The following KMO variants were observed in gnomAD, a reference collection of about 807,000 sequenced individuals.
The protein encoded by KMO is kynurenine 3-hydroxylase.
A neutral mutation model predicts 57.8 loss-of-function variants in KMO; 24 were observed. That is an observed-to-expected ratio of 0.42 (90% confidence interval 0.30 to 0.58). The LOEUF (loss-of-function observed/expected upper bound fraction) is 0.58, where lower values mean the gene tolerates loss of function less well. Ranked by LOEUF, KMO falls within the 20% of genes least tolerant of loss-of-function variation. The probability of loss-of-function intolerance (pLI) is 0.22; values close to 1 mark genes in which losing one functional copy is unlikely to be tolerated. For missense variants in KMO, 483 were observed against 588.2 expected (o/e 0.82, Z 1.85); for synonymous variants, 210 against 193.6 (o/e 1.08, Z -0.70).
chr1:241,566,411 T>G, intron 8 of KMO, 80 bp from the exon 9 acceptor site: 1 of 1,452,254 alleles, frequency 6.9e-7, no homozygotes, highest in Non-Finnish European at 9.4e-7. Flanking sequence ...CAGCAAGAAG[T>G]CTTGTGATTT....
chr1:241,565,627 G>A (rs906023868), intron 8 of KMO, among the ~76,000 whole-genome samples: 17 of 151,864 alleles, frequency 1.1e-4, no homozygotes, highest in African/African-American at 4.1e-4. Context: ...AGGAGGCTGA[G>A]GTGGGAGGAT....
intron 10 of KMO, among the ~76,000 whole-genome samples, chr1:241,579,229 G>C (rs1662660025): frequency 6.6e-6 from 1 of 152,140 alleles, no homozygotes. Context: ...ACTTGCAAAA[G>C]AGCACCAGGT....
At chr1:241,550,072 C>T (rs1661340881) in intron 3 of KMO, 1 of 252,884 alleles carries the variant, frequency 4.0e-6, no homozygotes, top group South Asian at 1.2e-4. Context: ...TAAAAGGAGC[C>T]AGATTCCTTT....
intron 10 of KMO, 79 bp downstream of exon 10, chr1:241,568,726 G>A: frequency 7.5e-7 from 1 of 1,325,110 alleles, no homozygotes; most frequent in Non-Finnish European, 1.0e-6. Flanking sequence ...TAAAAAATAT[G>A]TCTAAGACTA....
At chr1:241,559,762 A>C (rs1369516339) in intron 5 of KMO, among the ~76,000 whole-genome samples, 1 of 152,222 alleles carries the variant, frequency 6.6e-6, no homozygotes, top group Non-Finnish European at 1.5e-5. Context: ...CGTTTTTGAC[A>C]TATAAAAACT....
Position 241,568,546 on chromosome 1 carries a change from A to G in KMO, c.856A>G (p.Ile286Val), listed in dbSNP as rs376604847. 1.2e-6 allele frequency: 2 copies of G among 1,613,952 alleles called. No individual in the cohort carries two copies. The highest frequency in any genetic ancestry group is 1.7e-6 in the Non-Finnish European group (2 of 1,179,844). Residue 286 changes from isoleucine to valine, a missense_variant, in exon 10 of 15, where the codon ATA (isoleucine) becomes GTA (valine). Transcript: ENST00000366559. ...DFFLLPAQPM[I>V]SVKCSSFHFK... ...CTTCCTGTTGCCTGCCCAGCCCATGATATCTGTAAAGTGCTCTTCATTTCA... is the reference window on the plus strand; with the variant it reads ...CTTCCTGTTGCCTGCCCAGCCCATGGTATCTGTAAAGTGCTCTTCATTTCA...
At chr1:241,576,279 T>C (rs1662516426) in intron 10 of KMO, among the ~76,000 whole-genome samples, 1 of 152,082 alleles carries the variant, frequency 6.6e-6, no homozygotes, top group Admixed American at 6.5e-5. Context: ...TATTGAGATG[T>C]GAGGTGCTGT....
chr1:241,590,219 A>G lies in KMO; in HGVS notation c.1216A>G (p.Ile406Val). 1 of 1,613,392 alleles carries G rather than the reference A, an allele frequency of 6.2e-7. No individual in the cohort carries two copies. ...TTCCCTGCAGGTCACTTTTTCCAGA[A>G]TAAGATACCATGAGGCTGTGCAGCG... is the stretch of plus-strand genomic sequence containing the variant. ...PLYTMVTFSR[I>V]RYHEAVQRWH... The change falls in exon 14 of 15, where the codon ATA (isoleucine) becomes GTA (valine). Residue 406 changes from isoleucine (I) to valine (V), a missense_variant. This residue lies in a region of KMO where 410 missense variants were observed against 492.3 expected (regional missense o/e 0.83). Coordinates refer to ENST00000366559, the MANE Select transcript of KMO (RefSeq NM_003679.5).
chr1:241,548,779 C>G, intron 1 of KMO, 50 bp from the exon 2 acceptor site: 1 of 1,152,452 alleles, frequency 8.7e-7, no homozygotes. Context: ...GCTAAAAATT[C>G]CCTATATTTG....
In KMO at chr1:241,586,725, G is replaced by A; in HGVS notation, c.1004G>A (p.Ser335Asn). 2 of 1,603,942 alleles carry A rather than the reference G, an allele frequency of 1.2e-6. No homozygotes were observed. The highest frequency in any genetic ancestry group is 1.7e-6 in the Non-Finnish European group (2 of 1,175,964). The change falls in exon 11 of 15, where the codon AGT becomes AAT. Residue 335 changes from serine (S) to asparagine (N), a missense_variant. Coordinates refer to ENST00000366559, the MANE Select transcript of KMO (RefSeq NM_003679.5). Reference protein sequence around the residue: ...LVFDELMDKFSNDLSLCLPVF... With the variant: ...LVFDELMDKFNNDLSLCLPVF... The stretch of plus-strand genomic sequence containing the variant: ...TTTGATGAGTTAATGGATAAATTCA[G>A]TAACGACCTTAGTAAGTAAGGTCAA...
Position 241,538,000 on chromosome 1 carries a change from C to A in KMO, c.54+5502C>A, listed in dbSNP as rs116552366. Among the ~76,000 whole-genome samples, 1,217 of 152,208 alleles carry A rather than the reference C, an allele frequency of 8.0e-3. 16 individuals carry two copies. Among genetic ancestry groups the A allele is most frequent in the African/African-American group, 0.027 (1,131 of 41,528 alleles). On this transcript the variant is annotated intron_variant, in intron 1 of 14. Coordinates refer to ENST00000366559, the MANE Select transcript of KMO (RefSeq NM_003679.5). ...GCCCAGCAAGGAGATGGAAGAACAG[C>A]TTTCAAATCCACCTCTCCAAAGATA...
In KMO at chr1:241,551,007, G is replaced by GA; in HGVS notation, c.281dup (p.Ser95ValfsTer29). 1.9e-6 allele frequency: 3 copies of GA among 1,564,434 alleles called. No individual in the cohort carries two copies. Among genetic ancestry groups the GA allele is most frequent in the Admixed American group, 2.0e-5 (1 of 49,342 alleles). On this transcript the variant is annotated frameshift_variant, in exon 4 of 15. Coordinates refer to ENST00000366559, the MANE Select transcript of KMO (RefSeq NM_003679.5). LOFTEE classifies it high-confidence loss of function. ...GCAAGAATGATCCACTCTCTTTCAGGAAAAAAGTCTGCAATTCCCTATGGG... is the reference window on the plus strand; with the variant it reads ...GCAAGAATGATCCACTCTCTTTCAGGAAAAAAAGTCTGCAATTCCCTATGGG...
rs769726742 is a variant in KMO at position 241,564,996 on chromosome 1, G to A, written c.625G>A (p.Glu209Lys). The A allele has an allele frequency of 6.2e-7, 1 of 1,602,022 alleles. No homozygotes were observed. Among genetic ancestry groups the A allele is most frequent in the East Asian group, 2.2e-5 (1 of 44,682 alleles). ...IPPKNGDYAM[E>K]PNYLHIWPRN... ...ATTCTTTTTTCTGCAGTATGCCATG[G>A]AACCTAATTATCTGCATATTTGGCC... Residue 209 changes from glutamate (E) to lysine (K), a missense_variant, in exon 8 of 15, where the codon GAA becomes AAA. Coordinates refer to ENST00000366559, the MANE Select transcript of KMO (RefSeq NM_003679.5).
At chr1:241,542,899 G>A (rs1008928542) in intron 1 of KMO, among the ~76,000 whole-genome samples, 1 of 152,150 alleles carries the variant, frequency 6.6e-6, no homozygotes, top group Non-Finnish European at 1.5e-5. Flanking sequence ...GAAAGTGAGA[G>A]GGGAAAGAAA....
At chr1:241,535,698 T>C (rs1354426035) in intron 1 of KMO, among the ~76,000 whole-genome samples, 2 of 152,188 alleles carry the variant, frequency 1.3e-5, no homozygotes, top group Non-Finnish European at 2.9e-5. Flanking sequence ...TTCAAGAACA[T>C]TGACCTAAAT....
intron 8 of KMO, among the ~76,000 whole-genome samples, chr1:241,566,190 A>G (rs1433324321): frequency 1.3e-5 from 2 of 152,234 alleles, no homozygotes; most frequent in Admixed American, 1.3e-4. Flanking sequence ...TGGGCAACAG[A>G]GTGAGACTCT....
At chr1:241,539,227 C>CA (rs1660863721) in intron 1 of KMO, among the ~76,000 whole-genome samples, 1 of 151,822 alleles carries the variant, frequency 6.6e-6, no homozygotes, top group South Asian at 2.1e-4. Context: ...TACTGAAACA[C>CA]AAAAAAATTA....
At chr1:241,543,515 G>A (rs1661029398) in intron 1 of KMO, among the ~76,000 whole-genome samples, 1 of 152,052 alleles carries the variant, frequency 6.6e-6, no homozygotes, top group South Asian at 2.1e-4. Context: ...CACTCTGATA[G>A]TCATTCGGGC....
In KMO at chr1:241,546,401, A is replaced by C. The variant is rs144825609; in HGVS notation, c.55-2428A>C. Reference sequence around the variant, plus strand: ...TCCTTTTCCTCTCAGTAGAGGTATTAGTTCAAATGACCTATTACACCATCA... The same window carrying C: ...TCCTTTTCCTCTCAGTAGAGGTATTCGTTCAAATGACCTATTACACCATCA... On this transcript the variant is annotated intron_variant, in intron 1 of 14. Transcript: ENST00000366559. 2.1e-3 allele frequency among the ~76,000 whole-genome samples: 322 copies of C among 152,308 alleles called. 1 individual carries two copies. Among genetic ancestry groups the C allele is most frequent in the African/African-American group, 7.3e-3 (305 of 41,560 alleles).
Sources: gnomAD v4.1 joint callset for allele counts (sites outside exome capture counted in the v4.1 genomes callset) on GRCh38, gnomAD v4.1.1 for gene constraint, gnomAD v4.1.1 regional missense constraint, MANE v1.5 for transcripts, NCBI Gene and HGNC (gene_info 2026-07-23, HGNC 2026-07-21) for gene names.